SMCHD1: variants seen among roughly 807,000 people sequenced by gnomAD.
SMCHD1 encodes structural maintenance of chromosomes flexible hinge domain-containing protein 1.
SMCHD1 carries 78 observed loss-of-function variants against 254.7 expected under a neutral mutation model. That is an observed-to-expected ratio of 0.31 (90% CI 0.26 to 0.37). The LOEUF is 0.37. Among genes scored for constraint, SMCHD1 ranks in the 10% least tolerant of loss-of-function variants. The pLI is 1.00. For missense variants in SMCHD1, 1,840 were observed against 2,408.1 expected (o/e 0.76, Z 4.94); for synonymous variants, 766 against 794.9 (o/e 0.96, Z 0.61).
chr18:2,715,375 G>A (rs1245261474), intron 17 of SMCHD1, among the ~76,000 whole-genome samples: 5 of 151,702 alleles, frequency 3.3e-5, no homozygotes, highest in Admixed American at 2.0e-4. Context: ...CTCCTGCTTG[G>A]TCTAGTCCAT....
intron 12 of SMCHD1, among the ~76,000 whole-genome samples, chr18:2,702,756 T>C (rs1171317519): frequency 6.6e-6 from 1 of 152,238 alleles, no homozygotes; most frequent in African/African-American, 2.4e-5. Context: ...TAAGATAGTA[T>C]CCTTCTTGAC....
chr18:2,756,108 CCTTTA>C (rs1180572465), intron 34 of SMCHD1, among the ~76,000 whole-genome samples: 18 of 152,208 alleles, frequency 1.2e-4, no homozygotes, highest in African/African-American at 4.3e-4. Context: ...TGATATTTTT[CCTTTA>C]CTTTTAAAAT....
intron 45 of SMCHD1, among the ~76,000 whole-genome samples, chr18:2,788,930 C>G (rs1376053595): frequency 6.6e-6 from 1 of 152,130 alleles, no homozygotes; most frequent in Non-Finnish European, 1.5e-5. Context: ...AATTGATCTT[C>G]TAGGAAACAT....
chr18:2,786,051 T>C (rs745526168), intron 45 of SMCHD1, among the ~76,000 whole-genome samples: 11 of 152,200 alleles, frequency 7.2e-5, no homozygotes, highest in Non-Finnish European at 1.5e-4. Flanking sequence ...AGTCTGACTG[T>C]CACCTAGGCT....
chr18:2,795,094 C>T (rs1307161146), intron 45 of SMCHD1, among the ~76,000 whole-genome samples: 2 of 151,402 alleles, frequency 1.3e-5, no homozygotes, highest in Non-Finnish European at 2.9e-5. Flanking sequence ...GAGTCTCGCT[C>T]TGTCACCCAG....
chr18:2,680,234 G>T (rs1255632219), intron 5 of SMCHD1, among the ~76,000 whole-genome samples: 1 of 152,040 alleles, frequency 6.6e-6, no homozygotes, highest in Non-Finnish European at 1.5e-5. Flanking sequence ...CTTTTTGCAT[G>T]GCTTGTAATT....
At chr18:2,766,437 C>T (rs973116019) in intron 37 of SMCHD1, among the ~76,000 whole-genome samples, 1 of 152,230 alleles carries the variant, frequency 6.6e-6, no homozygotes, top group African/African-American at 2.4e-5. Context: ...AAATTGTACT[C>T]TTACCACTAG....
chr18:2,747,637 G>A lies in SMCHD1; in HGVS notation c.3917G>A (p.Ser1306Asn), dbSNP rs757542791. The A allele has an allele frequency of 1.3e-6, 2 of 1,582,444 alleles. No homozygotes were observed. The highest frequency in any genetic ancestry group is 3.6e-5 in the Admixed American group (2 of 54,842). Residue 1306 changes from serine to asparagine, a missense_variant, in exon 30 of 48, where the codon AGC (serine) becomes AAC (asparagine). Ser to Asn is a conservative substitution (Grantham distance 46, BLOSUM62 1). This residue lies in a region of SMCHD1 where 881 missense variants were observed against 1,009.5 expected (regional missense o/e 0.87). Transcript: ENST00000320876. ...QHVKISLTKA[S>N]NLKLMPSNQQ... The stretch of plus-strand genomic sequence containing the variant: ...GTTAAAATAAGTCTTACAAAAGCTA[G>A]CAATTTAAAGGTAAGTTTTAAACTT...
chr18:2,720,231 C>G (rs1250994820), intron 19 of SMCHD1, among the ~76,000 whole-genome samples: 1 of 152,030 alleles, frequency 6.6e-6, no homozygotes, highest in African/African-American at 2.4e-5. Context: ...TTTTTACTAC[C>G]TTATTGGAGA....
chr18:2,697,880 A>G lies in SMCHD1; in HGVS notation c.1181A>G (p.Glu394Gly), dbSNP rs201116324. ...GTACCTAAGATTGTCAACCTAAGGGAAATACAAGACGACATGCAGACGTTG... is the reference window on the plus strand; with the variant it reads ...GTACCTAAGATTGTCAACCTAAGGGGAATACAAGACGACATGCAGACGTTG... ...GKVPKIVNLR[E>G]IQDDMQTLYV... The change falls in exon 10 of 48, where the codon GAA (glutamate) becomes GGA (glycine). Residue 394 changes from glutamate (E) to glycine (G), a missense_variant. By Grantham distance (98) the Glu-to-Gly change is moderately conservative (BLOSUM62 -2). Coordinates refer to ENST00000320876, the MANE Select transcript of SMCHD1 (RefSeq NM_015295.3). 1.2e-6 allele frequency: 2 copies of G among 1,613,716 alleles called. No individual in the cohort carries two copies. Among genetic ancestry groups the G allele is most frequent in the Non-Finnish European group, 1.7e-6 (2 of 1,179,730 alleles).
In SMCHD1 at chr18:2,697,053, T is replaced by C; in HGVS notation, c.1062T>C (p.Ile354=). The C allele has an allele frequency of 6.7e-7, 1 of 1,490,998 alleles. No individual in the cohort carries two copies. Among genetic ancestry groups the C allele is most frequent in the Non-Finnish European group, 9.0e-7 (1 of 1,106,882 alleles). The allele number at this position is 1,490,998 out of a possible 1,614,324, so 92.4% of individuals were successfully genotyped here. A position where few individuals can be genotyped will look rare whatever the true frequency, so the allele number is the denominator to read the frequency against. Residue 354 remains isoleucine (I), a synonymous_variant, in exon 9 of 48, where the codon ATT becomes ATC. Transcript: ENST00000320876. ...RQLAHIYHYY[I]HGPKGNEIRT... is the part of the protein sequence containing the mutation. ...TTAGGCATATTTATCACTACTATAT[T>C]CATGGCCCAAAAGGAAATGAAATAC...
chr18:2,790,577 T>C (rs2076303757), intron 45 of SMCHD1, among the ~76,000 whole-genome samples: 1 of 152,086 alleles, frequency 6.6e-6, no homozygotes, highest in South Asian at 2.1e-4. Flanking sequence ...CTGGCCAAAA[T>C]GGTGAAACCC....
At chr18:2,674,235 A>G (rs1383530289) in intron 5 of SMCHD1, 90 bp downstream of exon 5, 3 of 1,072,930 alleles carry the variant, frequency 2.8e-6, no homozygotes, top group East Asian at 2.8e-5. Flanking sequence ...CATATGATAC[A>G]TTGGAGGTTT....
rs1267900781 is a variant in SMCHD1 at position 2,703,900 on chromosome 18, A to G, written c.1842+14A>G. 2.0e-6 allele frequency: 3 copies of G among 1,523,664 alleles called. 1 individual carries two copies. The South Asian group carries it at 3.9e-5, about 20-fold the overall frequency. The allele number at this position is 1,523,664 out of a possible 1,614,324, so 94.4% of individuals were successfully genotyped here. ...GCAGGACAGCTGGTAGGTTTAACTTATTGTCACTTTTTTCTTATAATTTTT... is the reference window on the plus strand; with the variant it reads ...GCAGGACAGCTGGTAGGTTTAACTTGTTGTCACTTTTTTCTTATAATTTTT... On this transcript the variant is annotated intron_variant, in intron 13 of 47. Coordinates refer to ENST00000320876, the MANE Select transcript of SMCHD1 (RefSeq NM_015295.3).
At chr18:2,709,477 A>C (rs1223888904) in intron 17 of SMCHD1, among the ~76,000 whole-genome samples, 2 of 152,094 alleles carry the variant, frequency 1.3e-5, no homozygotes, top group East Asian at 3.9e-4. Context: ...ACTGTTTTCC[A>C]CAGTGGTTGC....
intron 45 of SMCHD1, among the ~76,000 whole-genome samples, chr18:2,795,034 TCTGG>T (rs2076234104): frequency 7.6e-6 from 1 of 132,054 alleles, no homozygotes; most frequent in Non-Finnish European, 1.6e-5. Context: ...TTTAAAAAAT[TCTGG>T]GTTTTTTTTT....
At chr18:2,731,494 A>G (rs10502305) in intron 24 of SMCHD1, among the ~76,000 whole-genome samples, 45,424 of 152,050 alleles carry the variant, frequency 0.3, 7,002 homozygotes, top group East Asian at 0.5. Context: ...CTGGCTATAA[A>G]CAACCTTGAT....
chr18:2,683,369 T>G (rs1166581752), intron 5 of SMCHD1, among the ~76,000 whole-genome samples: 1 of 152,238 alleles, frequency 6.6e-6, no homozygotes, highest in Non-Finnish European at 1.5e-5. Context: ...CCTTTGCAAC[T>G]TGGTATTTAA....
At chr18:2,761,558 T>C (rs1206607226) in intron 35 of SMCHD1, among the ~76,000 whole-genome samples, 2 of 152,228 alleles carry the variant, frequency 1.3e-5, no homozygotes, top group Non-Finnish European at 1.5e-5. Context: ...GGCTCACGCC[T>C]GTAATCCCAG....
Sources: allele counts gnomAD v4.1 joint callset (sites outside exome capture counted in the v4.1 genomes callset), GRCh38; gene constraint gnomAD v4.1.1; regional missense constraint gnomAD v4.1.1; transcripts MANE v1.5; gene names NCBI Gene and HGNC (gene_info 2026-07-23, HGNC 2026-07-21).